The following TRAIP variants were observed in gnomAD, a reference collection of about 807,000 sequenced individuals.
TRAIP encodes the protein E3 ubiquitin-protein ligase TRAIP.
A neutral mutation model predicts 65.0 loss-of-function variants in TRAIP; 37 were observed. The ratio of observed to expected loss-of-function variants is 0.57; its 90% CI spans 0.44 to 0.75. The LOEUF (loss-of-function observed/expected upper bound fraction) is 0.75. Among genes scored for constraint, TRAIP ranks in the 30% least tolerant of loss-of-function variants. The probability of loss-of-function intolerance (pLI) is 0.00; values close to 1 mark genes in which losing one functional copy is unlikely to be tolerated. For synonymous variants in TRAIP, 187 were observed against 219.1 expected, an observed-to-expected ratio of 0.85 and a Z score of 1.29; for missense variants, 481 against 579.4, an observed-to-expected ratio of 0.83 and a Z score of 1.74.
chr3:49,847,668 A>G, intron 2 of TRAIP, 60 bp from the exon 3 acceptor site: 1 of 1,231,408 alleles, frequency 8.1e-7, no homozygotes. Flanking sequence ...CAAGGAGGAG[A>G]GTGTTGTACA....
chr3:49,845,380 A>G (rs1239440427), intron 3 of TRAIP, among the ~76,000 whole-genome samples: 1 of 152,266 alleles, frequency 6.6e-6, no homozygotes, highest in Non-Finnish European at 1.5e-5. Flanking sequence ...CCAAGGGTCC[A>G]TGGTGGTAGC....
intron 10 of TRAIP, among the ~76,000 whole-genome samples, chr3:49,837,276 T>G (rs2081797442): frequency 6.6e-6 from 1 of 152,010 alleles, no homozygotes; most frequent in Non-Finnish European, 1.5e-5. Flanking sequence ...TTTGAGGCTA[T>G]GAGTTTAGAA....
At chr3:49,849,277 T>C (rs1274404111) in intron 1 of TRAIP, among the ~76,000 whole-genome samples, 5 of 151,944 alleles carry the variant, frequency 3.3e-5, no homozygotes, top group Non-Finnish European at 5.9e-5. Context: ...CCCAAAGTGC[T>C]GGAACTATTG....
rs765640106 is a variant in TRAIP, at chr3:49,842,475, T to C, written c.481A>G (p.Ser161Gly). 1 of 1,614,038 alleles carries C rather than the reference T, an allele frequency of 6.2e-7. No individual in the cohort carries two copies. The highest frequency in any genetic ancestry group is 8.5e-7 in the Non-Finnish European group (1 of 1,179,988). Residue 161 changes from serine to glycine, a missense_variant, in exon 6 of 15, where the codon AGC becomes GGC. Coordinates refer to ENST00000331456, the MANE Select transcript of TRAIP (RefSeq NM_005879.3). ...CACTGCTCCATGGTCTTCATCTTGC[T>C]CCTGAGCCGGCGGGCCTCCTCTTGT... ...QAQEEARRLR[S>G]KMKTMEQIEL... is the part of the protein sequence containing the mutation.
rs56321532 is a variant in TRAIP at position 49,847,180 on chromosome 3, AAAATAAATAAATAAAT to A, written c.240+329_240+344del. Among the ~76,000 whole-genome samples, 73 of 144,402 alleles carry A rather than the reference AAAATAAATAAATAAAT, an allele frequency of 5.1e-4. 1 individual carries two copies. In the East Asian group the frequency reaches 8.1e-3, roughly 16 times the overall value. The allele number at this position is 144,402 out of a possible 152,430, so 94.7% of individuals were successfully genotyped here. On this transcript the variant is annotated intron_variant, in intron 3 of 14. Coordinates refer to ENST00000331456, the MANE Select transcript of TRAIP (RefSeq NM_005879.3). ...GGGTGACAGAGTGAGACTTCATCTCAAAATAAATAAATAAATAAATAAATAAATAAATAAATAAATA... is the reference window on the plus strand; with the variant it reads ...GGGTGACAGAGTGAGACTTCATCTCAAAATAAATAAATAAATAAATAAATA...
In TRAIP at chr3:49,828,652, T is replaced by A. The variant is rs374491378; in HGVS notation, c.*451A>T. ...ACATGAAAATCTTCCATCCTCTCCA[T>A]ACATCCCATGCTATCCTCCATTCCC... On this transcript the variant is annotated 3_prime_UTR_variant, in exon 15 of 15. Coordinates refer to ENST00000331456, the MANE Select transcript of TRAIP (RefSeq NM_005879.3). The A allele has an allele frequency of 6.0e-6, 1 of 165,636 alleles. No individual in the cohort carries two copies. Among genetic ancestry groups the A allele is most frequent in the Non-Finnish European group, 1.3e-5 (1 of 74,712 alleles). The allele number at this position is 165,636 out of a possible 1,614,324, so 10.3% of individuals were successfully genotyped here.
At chr3:49,841,756 G>T in intron 7 of TRAIP, 70 bp downstream of exon 7, 3 of 1,220,056 alleles carry the variant, frequency 2.5e-6, no homozygotes, top group Non-Finnish European at 2.4e-6. Context: ...ACAAGAGATG[G>T]GGAGCAATGA....
Position 49,830,131 on chromosome 3 carries a change from C to T in TRAIP, c.1038-63G>A, listed in dbSNP as rs1033561646. The T allele has an allele frequency of 5.8e-6, 9 of 1,562,606 alleles. No individual in the cohort carries two copies. In the African/African-American group the frequency reaches 9.5e-5, roughly 16 times the overall value. On this transcript the variant is annotated intron_variant, in intron 11 of 14. Transcript: ENST00000331456. ...AAGACATGGGGGCAGGTGAACCAGG[C>T]TCAGCACACGCCCCTTGGGGAGTTA...
intron 10 of TRAIP, among the ~76,000 whole-genome samples, chr3:49,838,835 G>A (rs1029001335): frequency 1.3e-5 from 2 of 151,128 alleles, no homozygotes; most frequent in East Asian, 3.9e-4. Context: ...GCAGTGAGCC[G>A]AGATCGCACC....
At position 49,843,908 on chromosome 3, in the gene TRAIP, G is replaced by A. The variant is rs200230407; in HGVS notation, c.301C>T (p.Gln101Ter). The change falls in exon 5 of 15, where the codon CAG becomes TAG. Residue 101 changes from glutamine to a stop codon, truncating the protein, a stop_gained. Transcript: ENST00000331456. LOFTEE classifies it high-confidence loss of function. Reference protein sequence around the residue: ...SQKDKEKRDSQVIIDTLRDTL... With the variant: ...SQKDKEKRDS Reference sequence around the variant, plus strand: ...TCCCGCAGAGTGTCGATGATGACCTGGCTGTCTCGTTTCTCCTTGTCTGGA... The same window carrying A: ...TCCCGCAGAGTGTCGATGATGACCTAGCTGTCTCGTTTCTCCTTGTCTGGA... The A allele has an allele frequency of 2.5e-5, 41 of 1,610,312 alleles. No homozygotes were observed. The highest frequency in any genetic ancestry group is 3.4e-5 in the Non-Finnish European group (40 of 1,176,886).
chr3:49,844,646 TA>T, intron 3 of TRAIP, 66 bp from the exon 4 acceptor site: 1 of 1,593,490 alleles, frequency 6.3e-7, no homozygotes, highest in South Asian at 1.1e-5. Flanking sequence ...TGGTCTCCCA[TA>T]AGGCTGTGGG....
In TRAIP at chr3:49,842,508, T is replaced by C. The variant is rs1203430608; in HGVS notation, c.448A>G (p.Lys150Glu). The change falls in exon 6 of 15, where the codon AAA becomes GAA. Residue 150 changes from lysine (K) to glutamate (E), a missense_variant. Coordinates refer to ENST00000331456, the MANE Select transcript of TRAIP (RefSeq NM_005879.3). ...KYLEQQQDET[K>E]QAQEEARRLR... ...CGGCGGGCCTCCTCTTGTGCTTGTT[T>C]GGTCTCATCCTGCTGCTGCTCTAAG... 14 of 1,613,900 alleles carry C rather than the reference T, an allele frequency of 8.7e-6. No individual in the cohort carries two copies. The highest frequency in any genetic ancestry group is 1.1e-5 in the Non-Finnish European group (13 of 1,180,012).
At chr3:49,836,655 C>A (rs915278297) in intron 10 of TRAIP, among the ~76,000 whole-genome samples, 2 of 152,098 alleles carry the variant, frequency 1.3e-5, no homozygotes, top group Non-Finnish European at 2.9e-5. Context: ...ATAAGTGAGA[C>A]CCTGCCTCTA....
chr3:49,848,090 T>C, intron 2 of TRAIP, 53 bp downstream of exon 2: 1 of 1,596,764 alleles, frequency 6.3e-7, no homozygotes. Context: ...ACATTCCTGC[T>C]CTCTGCTAAG....
At chr3:49,840,489 C>T (rs980349482) in intron 8 of TRAIP, 116 bp from the exon 9 acceptor site, 9 of 795,360 alleles carry the variant, frequency 1.1e-5, no homozygotes, top group Non-Finnish European at 1.9e-5. Context: ...GAGATATGGG[C>T]AGAGATCCCA....
At chr3:49,839,026 T>G (rs1260044532) in intron 10 of TRAIP, among the ~76,000 whole-genome samples, 1 of 144,054 alleles carries the variant, frequency 6.9e-6, no homozygotes, top group Non-Finnish European at 1.5e-5. Flanking sequence ...CCGTCTCTAC[T>G]AAAATACAAA....
intron 9 of TRAIP, 99 bp downstream of exon 9, chr3:49,840,185 C>T: frequency 4.4e-6 from 5 of 1,139,816 alleles, no homozygotes; most frequent in Non-Finnish European, 6.5e-6. Flanking sequence ...AGAACCACCA[C>T]TGACTGGTGC....
rs573643978 is a variant in TRAIP at position 49,848,564 on chromosome 3, G to A, written c.99-364C>T. On this transcript the variant is annotated intron_variant, in intron 1 of 14. Coordinates refer to ENST00000331456, the MANE Select transcript of TRAIP (RefSeq NM_005879.3). The stretch of plus-strand genomic sequence containing the variant: ...GGAATCCCAAAGACTACACTTTCAA[G>A]GTAAGGATCAACCAGAAATAAAAGT... Among the ~76,000 whole-genome samples the A allele has an allele frequency of 2.6e-5, 4 of 152,156 alleles. No individual in the cohort carries two copies. In the South Asian group the frequency reaches 8.3e-4, roughly 32 times the overall value.
At chr3:49,838,545 C>G (rs2081808111) in intron 10 of TRAIP, among the ~76,000 whole-genome samples, 1 of 152,236 alleles carries the variant, frequency 6.6e-6, no homozygotes, top group Non-Finnish European at 1.5e-5. Flanking sequence ...CATCAAGGAC[C>G]TGCTGTAGGA....
Sources: allele counts gnomAD v4.1 joint callset (sites outside exome capture counted in the v4.1 genomes callset), GRCh38; gene constraint gnomAD v4.1.1; transcripts MANE v1.5; gene names NCBI Gene and HGNC (gene_info 2026-07-23, HGNC 2026-07-21).